Variants in OSBP2 observed in about 807,000 individuals in gnomAD.
OSBP2 encodes oxysterol binding protein 2, also known as oxysterol-binding protein 2.
A neutral mutation model predicts 96.0 loss-of-function variants in OSBP2; 66 were observed. The ratio of observed to expected loss-of-function variants is 0.69; its 90% confidence interval spans 0.56 to 0.84. OSBP2 has a LOEUF of 0.84. OSBP2 is among the 40% of genes least tolerant of loss of function. OSBP2 has a pLI of 0.00. For synonymous variants in OSBP2, 525 were observed against 520.9 expected (o/e 1.01, Z -0.11); for missense variants, 1,038 against 1,222.7 (o/e 0.85, Z 2.25).
At chr22:30,694,162 G>T, upstream of OSBP2, 2 of 1,550,344 alleles carry the variant, frequency 1.3e-6, no homozygotes, top group Non-Finnish European at 1.7e-6. Flanking sequence ...GATGTTTCTT[G>T]TACTAAAACG....
At chr22:30,864,183 G>C (rs1018078981) in intron 2 of OSBP2, among the ~76,000 whole-genome samples, 2 of 152,092 alleles carry the variant, frequency 1.3e-5, no homozygotes, top group Non-Finnish European at 2.9e-5. Context: ...TATTGGCCAG[G>C]CTGGTCTCAA....
In OSBP2 at chr22:30,755,563, G is replaced by A. The variant is rs1223081811; in HGVS notation, c.853+14194G>A. ...TGTAGGCCTCTTTTGACTTCGGGAA[G>A]CTTTGTCTTATTTCCAGCTGCCATC... On this transcript the variant is annotated intron_variant, in intron 2 of 13. Transcript: ENST00000332585. Among the ~76,000 whole-genome samples, 7 of 152,308 alleles carry A rather than the reference G, an allele frequency of 4.6e-5. No homozygotes were observed. The East Asian group carries it at 1.4e-3, about 29-fold the overall frequency.
At chr22:30,753,013 C>CT (rs1569109245) in intron 2 of OSBP2, among the ~76,000 whole-genome samples, 1 of 152,126 alleles carries the variant, frequency 6.6e-6, no homozygotes, top group South Asian at 2.1e-4. Flanking sequence ...ACCCTAGCTA[C>CT]TTTTTTTAGG....
At chr22:30,784,522 G>A (rs957518291) in intron 2 of OSBP2, among the ~76,000 whole-genome samples, 2 of 152,108 alleles carry the variant, frequency 1.3e-5, no homozygotes, top group African/African-American at 4.8e-5. Context: ...GCCTCTCAAA[G>A]TGCTGAGATT....
intron 2 of OSBP2, among the ~76,000 whole-genome samples, chr22:30,837,385 A>C (rs1286391546): frequency 3.3e-5 from 5 of 152,268 alleles, no homozygotes; most frequent in South Asian, 4.2e-4. Flanking sequence ...GAAGCATGGA[A>C]AACCACTGAG....
chr22:30,886,221 T>C (rs1179991188), intron 3 of OSBP2, among the ~76,000 whole-genome samples: 1 of 152,120 alleles, frequency 6.6e-6, no homozygotes, highest in East Asian at 1.9e-4. Context: ...AGAAATACAT[T>C]GGTTTGGTTC....
At chr22:30,863,189 C>T (rs1168640755) in intron 2 of OSBP2, among the ~76,000 whole-genome samples, 1 of 152,100 alleles carries the variant, frequency 6.6e-6, no homozygotes, top group African/African-American at 2.4e-5. Flanking sequence ...CCCCCAGACT[C>T]CCACCCCAAG....
At chr22:30,770,290 G>C (rs1304530623) in intron 2 of OSBP2, among the ~76,000 whole-genome samples, 3 of 151,938 alleles carry the variant, frequency 2.0e-5, no homozygotes, top group Non-Finnish European at 4.4e-5. Context: ...AGTAGAGACA[G>C]GGTTCACCAT....
intron 2 of OSBP2, among the ~76,000 whole-genome samples, chr22:30,749,757 G>A (rs1217646599): frequency 3.9e-5 from 6 of 152,186 alleles, no homozygotes; most frequent in African/African-American, 7.2e-5. Context: ...ACAGGCATGC[G>A]CCACCATGCC....
At chr22:30,834,163 C>A (rs1430226439) in intron 2 of OSBP2, among the ~76,000 whole-genome samples, 2 of 152,096 alleles carry the variant, frequency 1.3e-5, no homozygotes, top group African/African-American at 4.8e-5. Context: ...GATCCTCCCA[C>A]TTCAGCCTCC....
Position 30,871,668 on chromosome 22 carries a change from C to G in OSBP2, c.1107+986C>G, listed in dbSNP as rs1602391355. Among the ~76,000 whole-genome samples, 5 of 146,158 alleles carry G rather than the reference C, an allele frequency of 3.4e-5. 1 individual carries two copies. In the Admixed American group the frequency reaches 3.5e-4, roughly 10 times the overall value. Reference sequence around the variant, plus strand: ...CCTGGGTGACCTCCAGCTGGGGGACCCAGCCCCCAAACTAGGAGGTTAGAC... The same window carrying G: ...CCTGGGTGACCTCCAGCTGGGGGACGCAGCCCCCAAACTAGGAGGTTAGAC... On this transcript the variant is annotated intron_variant, in intron 3 of 13. Coordinates refer to ENST00000332585, the MANE Select transcript of OSBP2 (RefSeq NM_030758.4). This position sits in a 1 kb window ranked among gnomAD's most constrained non-coding sequence, Gnocchi z 4.7.
chr22:30,778,593 C>T (rs983534583), intron 2 of OSBP2, among the ~76,000 whole-genome samples: 1 of 152,046 alleles, frequency 6.6e-6, no homozygotes, highest in Non-Finnish European at 1.5e-5. Context: ...AGGGAAAATT[C>T]TATTGGGTAG....
At chr22:30,698,189 C>T (rs1479776689) in intron 1 of OSBP2, among the ~76,000 whole-genome samples, 1 of 152,142 alleles carries the variant, frequency 6.6e-6, no homozygotes, top group Non-Finnish European at 1.5e-5. Flanking sequence ...GTTATCTCCT[C>T]CAGCCCTCTC....
intron 12 of OSBP2, chr22:30,902,580 A>C (rs1325525548): frequency 2.3e-6 from 2 of 857,682 alleles, no homozygotes; most frequent in Non-Finnish European, 3.9e-6. Context: ...CCAACTGGGC[A>C]GCCACTTCAG....
Position 30,786,551 on chromosome 22 carries a change from G to C in OSBP2, c.853+45182G>C, listed in dbSNP as rs182095406. ...GGCACCTAGCCCAGTTTTGAGGGTC[G>C]GGAAGGTTGCCTAGAGGAGGTGATA... is the stretch of plus-strand genomic sequence containing the variant. On this transcript the variant is annotated intron_variant, in intron 2 of 13. Transcript: ENST00000332585. Among the ~76,000 whole-genome samples, 742 of 152,074 alleles carry C rather than the reference G, an allele frequency of 4.9e-3. 8 individuals are homozygous for C. The highest frequency in any genetic ancestry group is 0.017 in the African/African-American group (716 of 41,462).
chr22:30,704,322 AG>A (rs1011614928), intron 1 of OSBP2, among the ~76,000 whole-genome samples: 4 of 152,194 alleles, frequency 2.6e-5, no homozygotes, highest in Admixed American at 2.6e-4. Flanking sequence ...CAAGCTTCCA[AG>A]GGTCCTCTCC....
chr22:30,752,063 C>T (rs571984471), intron 2 of OSBP2, among the ~76,000 whole-genome samples: 12 of 152,098 alleles, frequency 7.9e-5, no homozygotes, highest in East Asian at 7.7e-4. Flanking sequence ...CTTCCTCAGC[C>T]GTGGGCCTTC....
chr22:30,904,266 C>T (rs1386249711), intron 12 of OSBP2, among the ~76,000 whole-genome samples: 6 of 152,262 alleles, frequency 3.9e-5, no homozygotes, highest in Admixed American at 6.5e-5. Flanking sequence ...ACAAGCCCTC[C>T]GCAATCCACA....
In OSBP2 at chr22:30,854,925, T is replaced by C. The variant is rs537284036; in HGVS notation, c.854-15504T>C. 9.4e-4 allele frequency among the ~76,000 whole-genome samples: 143 copies of C among 152,272 alleles called. 3 individuals are homozygous for C. The South Asian group carries it at 0.017, about 18-fold the overall frequency. ...CGTGGTGGAAGGGGAAGCAAACATG[T>C]CCTTCTTCACATGGCAGCAGCAAGG... On this transcript the variant is annotated intron_variant, in intron 2 of 13. Coordinates refer to ENST00000332585, the MANE Select transcript of OSBP2 (RefSeq NM_030758.4).
Sources: allele counts gnomAD v4.1 joint callset (sites outside exome capture counted in the v4.1 genomes callset), GRCh38; gene constraint gnomAD v4.1.1; non-coding constraint Gnocchi (gnomAD v3.1); transcripts MANE v1.5; gene names NCBI Gene and HGNC (gene_info 2026-07-23, HGNC 2026-07-21).